SPOCK1: variants seen among roughly 807,000 people sequenced by gnomAD.
SPOCK1 encodes SPARC (osteonectin), cwcv and kazal like domains proteoglycan 1, also known as testican-1.
Under a neutral mutation model 55.3 loss-of-function variants are expected in SPOCK1, and 23 were observed. The ratio of observed to expected loss-of-function variants is 0.42; its 90% CI spans 0.30 to 0.59. SPOCK1 has a LOEUF of 0.59. Among genes scored for constraint, SPOCK1 ranks in the 20% least tolerant of loss-of-function variants. SPOCK1 has a pLI of 0.22. For missense variants in SPOCK1, 499 were observed against 552.5 expected (o/e 0.90, Z 0.97); for synonymous variants, 226 against 221.0 (o/e 1.02, Z -0.20).
In SPOCK1 at chr5:136,978,789, C is replaced by T; in HGVS notation, c.1185G>A (p.Leu395=). ...DFGSGGSVVL[L]DDLEYERELG... ...GCTCCCGTTCATATTCTAGGTCATCCAGCAGGACCACGGACCCACCACTGC... is the reference window on the plus strand; with the variant it reads ...GCTCCCGTTCATATTCTAGGTCATCTAGCAGGACCACGGACCCACCACTGC... The change falls in exon 11 of 11, where the codon CTG becomes CTA. Residue 395 remains leucine, a synonymous_variant. Transcript: ENST00000394945. 6.2e-7 allele frequency: 1 copy of T among 1,614,044 alleles called. No homozygotes were observed.
intron 5 of SPOCK1, among the ~76,000 whole-genome samples, chr5:137,100,235 G>T (rs1179290913): frequency 1.3e-5 from 2 of 152,148 alleles, no homozygotes; most frequent in African/African-American, 4.8e-5. Flanking sequence ...CCAGGAAAAT[G>T]GTTCCTCCTT....
chr5:137,229,956 T>C (rs1031253592), intron 3 of SPOCK1, among the ~76,000 whole-genome samples: 2 of 151,978 alleles, frequency 1.3e-5, no homozygotes, highest in African/African-American at 4.8e-5. Flanking sequence ...GTGCAGCCCA[T>C]GGGTAGGGGA....
Position 137,315,111 on chromosome 5 carries a change from A to G in SPOCK1, c.187-48056T>C, listed in dbSNP as rs187806250. 2.6e-3 allele frequency among the ~76,000 whole-genome samples: 400 copies of G among 152,086 alleles called. 1 individual carries two copies. Among genetic ancestry groups the G allele is most frequent in the African/African-American group, 9.1e-3 (376 of 41,498 alleles). ...AGGTCCCTACTCTTCTCTGATAGGG[A>G]AAAAAAATGGCAAAAGCTAGAACTA... On this transcript the variant is annotated intron_variant, in intron 2 of 10. Transcript: ENST00000394945.
chr5:137,354,347 C>T (rs1750744636), intron 2 of SPOCK1, among the ~76,000 whole-genome samples: 1 of 152,150 alleles, frequency 6.6e-6, no homozygotes, highest in Non-Finnish European at 1.5e-5. Flanking sequence ...GTCCTCACCC[C>T]ACTCCTCAAG....
At chr5:137,336,453 T>C (rs1750281309) in intron 2 of SPOCK1, among the ~76,000 whole-genome samples, 1 of 152,222 alleles carries the variant, frequency 6.6e-6, no homozygotes, top group African/African-American at 2.4e-5. Context: ...CCACTGTTAA[T>C]CTTAAATAAG....
chr5:137,318,584 A>G (rs774054187), intron 2 of SPOCK1, among the ~76,000 whole-genome samples: 4 of 152,160 alleles, frequency 2.6e-5, no homozygotes, highest in African/African-American at 4.8e-5. Flanking sequence ...TGAGCCAGAT[A>G]ATTGTTTAGA....
At chr5:137,195,067 A>G (rs975539863) in intron 3 of SPOCK1, among the ~76,000 whole-genome samples, 5 of 152,240 alleles carry the variant, frequency 3.3e-5, no homozygotes, top group African/African-American at 1.2e-4. Flanking sequence ...ATCCCTAATT[A>G]AATTCACCAC....
intron 2 of SPOCK1, among the ~76,000 whole-genome samples, chr5:137,283,754 G>A (rs991182298): frequency 6.6e-6 from 1 of 151,922 alleles, no homozygotes; most frequent in African/African-American, 2.4e-5. Flanking sequence ...AACTAGTGTA[G>A]AGGTAAAAGG....
rs970327267 is a variant in SPOCK1 at position 137,294,282 on chromosome 5, C to T, written c.187-27227G>A. Reference sequence around the variant, plus strand: ...TTTATTTCCATCATGAGAAAAACTACAGCAATTTCCTATATTAATAGATAC... The same window carrying T: ...TTTATTTCCATCATGAGAAAAACTATAGCAATTTCCTATATTAATAGATAC... On this transcript the variant is annotated intron_variant, in intron 2 of 10. Transcript: ENST00000394945. Among the ~76,000 whole-genome samples the T allele has an allele frequency of 7.9e-5, 12 of 152,104 alleles. No individual in the cohort carries two copies. The South Asian group carries it at 1.0e-3, about 13-fold the overall frequency.
intron 4 of SPOCK1, among the ~76,000 whole-genome samples, chr5:137,132,200 C>G (rs905095741): frequency 1.5e-5 from 2 of 130,644 alleles, no homozygotes; most frequent in East Asian, 2.2e-4. Context: ...AAAAAAATCT[C>G]CAGAACTTGC....
chr5:137,459,928 T>C (rs967813272), intron 2 of SPOCK1, among the ~76,000 whole-genome samples: 1 of 152,110 alleles, frequency 6.6e-6, no homozygotes, highest in East Asian at 1.9e-4. Flanking sequence ...AAAGGTATGC[T>C]AGGAGAAGGG....
intron 3 of SPOCK1, among the ~76,000 whole-genome samples, chr5:137,251,948 C>T (rs1756539562): frequency 6.6e-6 from 1 of 151,976 alleles, no homozygotes; most frequent in Admixed American, 6.5e-5. Context: ...GAGACAGAGT[C>T]TTGCTCTGTT....
At chr5:137,039,270 C>A (rs1211861940) in intron 6 of SPOCK1, among the ~76,000 whole-genome samples, 3 of 88,948 alleles carry the variant, frequency 3.4e-5, no homozygotes, top group East Asian at 3.9e-4. Flanking sequence ...GCCTGCCACA[C>A]TTTTTTTTTT....
chr5:137,055,806 G>C (rs2127000091), intron 6 of SPOCK1, among the ~76,000 whole-genome samples: 1 of 152,204 alleles, frequency 6.6e-6, no homozygotes, highest in East Asian at 1.9e-4. Context: ...CAGACTGCCT[G>C]AGCTTGCTTC....
In SPOCK1 at chr5:137,026,120, G is replaced by A. The variant is rs4472258; in HGVS notation, c.590-33520C>T. Among the ~76,000 whole-genome samples the A allele has an allele frequency of 5.1e-4, 78 of 152,148 alleles. 1 individual carries two copies. Among genetic ancestry groups the A allele is most frequent in the Non-Finnish European group, 6.3e-4 (43 of 68,020 alleles). ...CATCTAGCTCTCCATAGGGATGGAG[G>A]AGGACCAGGCTAGAGAAAGAACCAG... On this transcript the variant is annotated intron_variant, in intron 6 of 10. Transcript: ENST00000394945.
chr5:137,018,215 G>A (rs568186231), intron 6 of SPOCK1, among the ~76,000 whole-genome samples: 1 of 152,198 alleles, frequency 6.6e-6, no homozygotes, highest in East Asian at 1.9e-4. Flanking sequence ...CACCCAAAAC[G>A]GCAACAGTGC....
intron 3 of SPOCK1, among the ~76,000 whole-genome samples, chr5:137,219,364 T>C (rs977902544): frequency 4.6e-5 from 7 of 152,064 alleles, no homozygotes; most frequent in African/African-American, 1.7e-4. Context: ...AAAGTAAGAG[T>C]ATCCCAACAC....
At chr5:137,282,411 G>T (rs113167497) in intron 2 of SPOCK1, among the ~76,000 whole-genome samples, 1 of 152,172 alleles carries the variant, frequency 6.6e-6, no homozygotes, top group Non-Finnish European at 1.5e-5. Flanking sequence ...AAGCAAACAC[G>T]CATGTGTGAT....
At chr5:137,059,977 G>A (rs566149318) in intron 6 of SPOCK1, among the ~76,000 whole-genome samples, 2 of 152,262 alleles carry the variant, frequency 1.3e-5, no homozygotes, top group South Asian at 2.1e-4. Flanking sequence ...CAGAGAAAAG[G>A]GAACACTTAT....
Sources: allele counts gnomAD v4.1 joint callset (sites outside exome capture counted in the v4.1 genomes callset), GRCh38; gene constraint gnomAD v4.1.1; transcripts MANE v1.5; gene names NCBI Gene and HGNC (gene_info 2026-07-23, HGNC 2026-07-21).